Variants in KCNQ3 observed in about 807,000 individuals in gnomAD.
KCNQ3 encodes potassium voltage-gated channel subfamily KQT member 3.
Under a neutral mutation model 92.5 loss-of-function variants are expected in KCNQ3, and 30 were observed. That is an observed-to-expected ratio of 0.32 (90% CI 0.24 to 0.44). KCNQ3 has a LOEUF of 0.44. Ranked by LOEUF, KCNQ3 falls within the 20% of genes least tolerant of loss-of-function variation. KCNQ3 has a pLI of 1.00. For synonymous variants in KCNQ3, 450 were observed against 468.8 expected (o/e 0.96, Z 0.52); for missense variants, 913 against 1,140.3 (o/e 0.80, Z 2.87).
intron 1 of KCNQ3, among the ~76,000 whole-genome samples, chr8:132,212,536 G>C (rs1341313250): frequency 6.6e-6 from 1 of 151,486 alleles, no homozygotes; most frequent in African/African-American, 2.4e-5. Context: ...CATTCTCTTC[G>C]GGACATGTCC....
At chr8:132,441,839 T>C (rs946229618) in intron 1 of KCNQ3, among the ~76,000 whole-genome samples, 4 of 152,072 alleles carry the variant, frequency 2.6e-5, no homozygotes, top group Non-Finnish European at 4.4e-5. Flanking sequence ...TATCCGTCAA[T>C]GATAGACTGA....
intron 1 of KCNQ3, among the ~76,000 whole-genome samples, chr8:132,421,802 A>AT (rs899268306): frequency 2.6e-5 from 4 of 152,288 alleles, no homozygotes; most frequent in African/African-American, 9.6e-5. Flanking sequence ...CACACAGGAA[A>AT]TTTATCTTTT....
At chr8:132,331,866 G>A (rs187558912) in intron 1 of KCNQ3, among the ~76,000 whole-genome samples, 7 of 152,178 alleles carry the variant, frequency 4.6e-5, no homozygotes, top group East Asian at 3.9e-4. Context: ...GGAGAACTCC[G>A]AAGCAGTCCA....
chr8:132,287,464 C>A (rs983799415), intron 1 of KCNQ3, among the ~76,000 whole-genome samples: 1 of 152,126 alleles, frequency 6.6e-6, no homozygotes, highest in Non-Finnish European at 1.5e-5. Context: ...AAAGTTTGTA[C>A]ACAAATATTC....
chr8:132,203,029 T>C (rs530229540), intron 1 of KCNQ3, among the ~76,000 whole-genome samples: 1 of 152,302 alleles, frequency 6.6e-6, no homozygotes, highest in East Asian at 1.9e-4. Flanking sequence ...AATACCAAGG[T>C]GCTGGCCTCC....
At chr8:132,399,309 G>T (rs543856065) in intron 1 of KCNQ3, among the ~76,000 whole-genome samples, 80 of 152,082 alleles carry the variant, frequency 5.3e-4, no homozygotes, top group Non-Finnish European at 9.0e-4. Flanking sequence ...CAATGCATTC[G>T]ATCATTTTTG....
chr8:132,313,524 C>A (rs1817656260), intron 1 of KCNQ3, among the ~76,000 whole-genome samples: 1 of 151,358 alleles, frequency 6.6e-6, no homozygotes, highest in Admixed American at 6.6e-5. Flanking sequence ...TTAGAGTCAG[C>A]AAATCACTTA....
intron 1 of KCNQ3, among the ~76,000 whole-genome samples, chr8:132,432,355 C>CAAA (rs11411494): frequency 7.4e-6 from 1 of 134,450 alleles, no homozygotes; most frequent in Non-Finnish European, 1.6e-5. Context: ...ATGAATACGG[C>CAAA]AAAAAAAAAA....
rs1814331770 is a variant in KCNQ3 at position 132,224,163 on chromosome 8, G to C, written c.387-37982C>G. ...TTGTCAGGGCTGCTCTTGAACTCCT[G>C]GCCTCAAGTGATTCTCCCACCTCAG... On this transcript the variant is annotated intron_variant, in intron 1 of 14. Transcript: ENST00000388996. Among the ~76,000 whole-genome samples, 4 of 133,510 alleles carry C rather than the reference G, an allele frequency of 3.0e-5. No homozygotes were observed. In the South Asian group the frequency reaches 9.6e-4, roughly 32 times the overall value. 87.6% of individuals were successfully genotyped at this position (133,510 alleles called of 152,430 possible). A position where few individuals can be genotyped will look rare whatever the true frequency, so the allele number is the denominator to read the frequency against.
intron 1 of KCNQ3, among the ~76,000 whole-genome samples, chr8:132,329,182 T>G (rs1268549717): frequency 6.6e-6 from 1 of 152,062 alleles, no homozygotes. Flanking sequence ...AGCATGAAAA[T>G]AGGGCAACAG....
At chr8:132,238,634 T>G (rs1814893065) in intron 1 of KCNQ3, among the ~76,000 whole-genome samples, 1 of 152,204 alleles carries the variant, frequency 6.6e-6, no homozygotes, top group Admixed American at 6.5e-5. Context: ...TATTTTTCTC[T>G]CTCCCTATCC....
At chr8:132,167,474 A>T (rs183251194) in intron 8 of KCNQ3, among the ~76,000 whole-genome samples, 1 of 152,232 alleles carries the variant, frequency 6.6e-6, no homozygotes, top group Non-Finnish European at 1.5e-5. Context: ...GAAAGTTGTT[A>T]TTAAAACAAG....
chr8:132,395,442 C>G (rs776004909), intron 1 of KCNQ3, among the ~76,000 whole-genome samples: 4 of 152,170 alleles, frequency 2.6e-5, no homozygotes, highest in Non-Finnish European at 4.4e-5. Context: ...CAAAGAGATG[C>G]CTTAGAGTCT....
chr8:132,234,657 G>A (rs1003977230), intron 1 of KCNQ3, among the ~76,000 whole-genome samples: 6 of 152,126 alleles, frequency 3.9e-5, no homozygotes, highest in East Asian at 1.9e-4. Context: ...GTAAGTATTC[G>A]CAGTCCCATT....
chr8:132,242,292 G>A (rs1316179660), intron 1 of KCNQ3, among the ~76,000 whole-genome samples: 2 of 152,184 alleles, frequency 1.3e-5, no homozygotes, highest in Non-Finnish European at 2.9e-5. Context: ...GAATTATGGA[G>A]GTGGGGTGGG....
At chr8:132,259,560 C>T (rs1482763919) in intron 1 of KCNQ3, among the ~76,000 whole-genome samples, 3 of 152,092 alleles carry the variant, frequency 2.0e-5, no homozygotes, top group Non-Finnish European at 4.4e-5. Flanking sequence ...TAGTAAACGA[C>T]TGAATTCTTT....
At chr8:132,257,618 G>A (rs984191586) in intron 1 of KCNQ3, among the ~76,000 whole-genome samples, 30 of 151,546 alleles carry the variant, frequency 2.0e-4, no homozygotes, top group East Asian at 5.8e-4. Flanking sequence ...GTGGTGGCAC[G>A]CACCTGTAGT....
intron 1 of KCNQ3, among the ~76,000 whole-genome samples, chr8:132,448,328 G>T (rs1214937561): frequency 6.6e-6 from 1 of 151,756 alleles, no homozygotes; most frequent in Non-Finnish European, 1.5e-5. Context: ...TCTCCTTTGG[G>T]GTCCATGAGC....
intron 1 of KCNQ3, among the ~76,000 whole-genome samples, chr8:132,418,080 C>T (rs549140989): frequency 2.0e-5 from 3 of 152,092 alleles, no homozygotes; most frequent in Admixed American, 6.5e-5. Context: ...ATCAGGGACA[C>T]GACACTTAGC....
Sources: gnomAD v4.1 joint callset for allele counts (sites outside exome capture counted in the v4.1 genomes callset) on GRCh38, gnomAD v4.1.1 for gene constraint, MANE v1.5 for transcripts, NCBI Gene and HGNC (gene_info 2026-07-23, HGNC 2026-07-21) for gene names.